Variants in ZNF423 observed in about 807,000 individuals in gnomAD.
ZNF423 encodes the protein zinc finger protein 423.
In ZNF423, 12 loss-of-function variants were observed where a neutral mutation model predicts 95.8. The observed-to-expected ratio is 0.13, with a 90% CI of 0.08 to 0.20. The LOEUF (loss-of-function observed/expected upper bound fraction) is 0.20. ZNF423 is among the 10% of genes least tolerant of loss of function. ZNF423 has a pLI of 1.00. For synonymous variants in ZNF423, 749 were observed against 711.9 expected, an observed-to-expected ratio of 1.05 and a Z score of -0.83; for missense variants, 1,316 against 1,737.1, an observed-to-expected ratio of 0.76 and a Z score of 4.31.
chr16:49,731,417 C>T, intron 2 of ZNF423: 1 of 979,338 alleles, frequency 1.0e-6, no homozygotes, highest in Non-Finnish European at 1.2e-6. Flanking sequence ...AACAGGCCTC[C>T]CAGGGCAGTG....
At chr16:49,858,262 G>A (rs959659063), upstream of ZNF423, among the ~76,000 whole-genome samples, 1 of 149,522 alleles carries the variant, frequency 6.7e-6, no homozygotes, top group East Asian at 1.9e-4. The surrounding 1 kb of genome is among the most constrained non-coding windows in gnomAD (Gnocchi z 4.3). Context: ...CCCCACGCAG[G>A]GTGCCCGCGC....
rs1968484180 is a variant in ZNF423 at position 49,523,496 on chromosome 16, G to A, written c.3849+128C>T. 6.8e-6 allele frequency: 5 copies of A among 738,152 alleles called. No homozygotes were observed. The Admixed American group carries it at 1.2e-4, about 17-fold the overall frequency. The allele number at this position is 738,152 out of a possible 1,614,324, so 45.7% of individuals were successfully genotyped here. Reference sequence around the variant, plus strand: ...GAAACTCCATGCCTGCTAGCCAGGAGGTCAGCCCCTGATTGCAGACCTGCC... The same window carrying A: ...GAAACTCCATGCCTGCTAGCCAGGAAGTCAGCCCCTGATTGCAGACCTGCC... On this transcript the variant is annotated intron_variant, in intron 7 of 7. Coordinates refer to ENST00000563137, the MANE Select transcript of ZNF423 (RefSeq NM_001379286.1).
intron 3 of ZNF423, among the ~76,000 whole-genome samples, chr16:49,699,330 C>A (rs1300752563): frequency 6.6e-6 from 1 of 152,168 alleles, no homozygotes; most frequent in Non-Finnish European, 1.5e-5. Context: ...TACAAAGGAG[C>A]CCAGGCAGAC....
At chr16:49,700,614 C>T (rs937610236) in intron 3 of ZNF423, among the ~76,000 whole-genome samples, 2 of 152,248 alleles carry the variant, frequency 1.3e-5, no homozygotes, top group African/African-American at 2.4e-5. Context: ...GGAAGCAATG[C>T]TCAGGAACGC....
intron 1 of ZNF423, among the ~76,000 whole-genome samples, chr16:49,804,368 C>T (rs1833937972): frequency 6.6e-6 from 1 of 152,130 alleles, no homozygotes; most frequent in South Asian, 2.1e-4. Flanking sequence ...TTAATGTAAG[C>T]AAGTTTTCCT....
At chr16:49,528,136 G>A (rs1968686848) in intron 5 of ZNF423, among the ~76,000 whole-genome samples, 3 of 152,080 alleles carry the variant, frequency 2.0e-5, no homozygotes, top group East Asian at 1.9e-4. Flanking sequence ...TCTGCCGAGC[G>A]GGGGCCTTTA....
chr16:49,765,005 CGCCTCATCTCCCAAAGTGCTGGGATTACA>C (rs1468691658), intron 2 of ZNF423, among the ~76,000 whole-genome samples: 3 of 151,598 alleles, frequency 2.0e-5, no homozygotes, highest in Non-Finnish European at 2.9e-5. Flanking sequence ...GTGATTTGCC[CGCCTCATCTCCCAAAGTGCTGGGATTACA>C]GCCACCACCC....
intron 5 of ZNF423, among the ~76,000 whole-genome samples, chr16:49,622,908 C>T (rs1269620445): frequency 6.6e-6 from 1 of 152,150 alleles, no homozygotes; most frequent in Non-Finnish European, 1.5e-5. Context: ...TGTGCAGTGT[C>T]TTCTATGGGA....
chr16:49,724,654 T>A (rs1036146863), intron 3 of ZNF423, among the ~76,000 whole-genome samples: 3 of 152,186 alleles, frequency 2.0e-5, no homozygotes, highest in Non-Finnish European at 1.5e-5. Context: ...AGGTGCCAGC[T>A]CCACACAGCA....
At chr16:49,751,655 C>T (rs1469832134) in intron 2 of ZNF423, among the ~76,000 whole-genome samples, 1 of 152,208 alleles carries the variant, frequency 6.6e-6, no homozygotes, top group East Asian at 1.9e-4. Flanking sequence ...CCATCATGAC[C>T]TCAGCCAGAA....
At chr16:49,725,164 C>T (rs977071881) in intron 3 of ZNF423, among the ~76,000 whole-genome samples, 1 of 152,164 alleles carries the variant, frequency 6.6e-6, no homozygotes, top group African/African-American at 2.4e-5. Context: ...AGGAGGATTG[C>T]CTGAGGCCAG....
intron 1 of ZNF423, 77 bp from the exon 2 acceptor site, chr16:49,789,623 G>T: frequency 6.9e-7 from 1 of 1,446,530 alleles, no homozygotes; most frequent in East Asian, 2.5e-5. Flanking sequence ...GGGCGAGGAA[G>T]AAGGAACATT....
At chr16:49,644,968 A>T (rs16947769) in intron 3 of ZNF423, among the ~76,000 whole-genome samples, 5,437 of 152,252 alleles carry the variant, frequency 0.036, 313 homozygotes, top group African/African-American at 0.12. Flanking sequence ...GCTCATGGGA[A>T]GCTGGAATTC....
intron 2 of ZNF423, among the ~76,000 whole-genome samples, chr16:49,763,942 G>A (rs770231797): frequency 9.4e-4 from 143 of 152,256 alleles, no homozygotes; most frequent in Non-Finnish European, 1.8e-3. Context: ...ACCACTCAGC[G>A]GAGAGCTACC....
intron 1 of ZNF423, among the ~76,000 whole-genome samples, chr16:49,815,900 ATATATATATATATATTTTT>A (rs2034841104): frequency 2.0e-4 from 9 of 46,006 alleles, no homozygotes; most frequent in African/African-American, 7.2e-4. Flanking sequence ...ATATATATAT[ATATATATATATATATTTTT>A]TTTTTTTTTT....
chr16:49,613,295 G>A (rs1971782349), intron 5 of ZNF423, among the ~76,000 whole-genome samples: 1 of 152,202 alleles, frequency 6.6e-6, no homozygotes, highest in African/African-American at 2.4e-5. Context: ...TAGTAATCAA[G>A]ACTATATTGT....
intron 5 of ZNF423, among the ~76,000 whole-genome samples, chr16:49,604,153 G>A (rs1232803620): frequency 2.0e-5 from 3 of 152,220 alleles, no homozygotes; most frequent in Non-Finnish European, 4.4e-5. Flanking sequence ...GTCACCATCA[G>A]CACCCCGCTG....
At position 49,854,825 on chromosome 16, in the gene ZNF423, G is replaced by A. The variant is rs974776306; in HGVS notation, c.40+910C>T. 4.1e-6 allele frequency: 4 copies of A among 985,296 alleles called. No homozygotes were observed. In the South Asian group the frequency reaches 1.4e-4, roughly 35 times the overall value. 61.0% of individuals were successfully genotyped at this position (985,296 alleles called of 1,614,324 possible). ...AGAAAGCAAAGCGTGGAGACGAAGG[G>A]ATGGGTGTGTGTATCTATATATCTG... On this transcript the variant is annotated intron_variant, in intron 1 of 7. Transcript: ENST00000563137.
At chr16:49,750,416 T>G (rs1239921895) in intron 2 of ZNF423, among the ~76,000 whole-genome samples, 3 of 152,196 alleles carry the variant, frequency 2.0e-5, no homozygotes, top group African/African-American at 7.2e-5. Context: ...GCTGGGTGTT[T>G]CTGGGAAGCA....
Sources: gnomAD v4.1 joint callset for allele counts (sites outside exome capture counted in the v4.1 genomes callset) on GRCh38, gnomAD v4.1.1 for gene constraint, Gnocchi (gnomAD v3.1) non-coding constraint, MANE v1.5 for transcripts, NCBI Gene and HGNC (gene_info 2026-07-23, HGNC 2026-07-21) for gene names.